THRB: variants seen among roughly 807,000 people sequenced by gnomAD.
THRB encodes the protein thyroid hormone receptor beta.
A neutral mutation model predicts 47.8 loss-of-function variants in THRB; 12 were observed. The ratio of observed to expected loss-of-function variants is 0.25; its 90% CI spans 0.16 to 0.41. The LOEUF is 0.41. Among genes scored for constraint, THRB ranks in the 10% least tolerant of loss-of-function variants. THRB has a pLI of 1.00. For synonymous variants in THRB, 218 were observed against 212.2 expected, an observed-to-expected ratio of 1.03 and a Z score of -0.24; for missense variants, 348 against 589.2, an observed-to-expected ratio of 0.59 and a Z score of 4.24.
intron 1 of THRB, among the ~76,000 whole-genome samples, chr3:24,339,118 T>C (rs1270668114): frequency 6.6e-6 from 1 of 152,270 alleles, no homozygotes; most frequent in East Asian, 1.9e-4. Context: ...AATATATAAA[T>C]ACAAAACTAT....
At chr3:24,231,471 T>C (rs1299654962) in intron 3 of THRB, among the ~76,000 whole-genome samples, 1 of 152,128 alleles carries the variant, frequency 6.6e-6, no homozygotes, top group East Asian at 1.9e-4. Context: ...TTAGTACTAT[T>C]TTCCTTCAAC....
rs113930382 is a variant in THRB, at chr3:24,133,312, T to C, written c.885+4A>G. On this transcript the variant is annotated splice_donor_region_variant and intron_variant, in intron 9 of 10. Coordinates refer to ENST00000646209, the MANE Select transcript of THRB (RefSeq NM_001354712.2). The stretch of plus-strand genomic sequence containing the variant: ...TAATGCAGAAGGAAAAACAACATCC[T>C]CACCTCACAAAACATAGGCAACTTT... 16 of 1,613,930 alleles carry C rather than the reference T, an allele frequency of 9.9e-6. No individual in the cohort carries two copies. The African/African-American group carries it at 1.6e-4, about 16-fold the overall frequency.
intron 4 of THRB, among the ~76,000 whole-genome samples, chr3:24,209,214 G>C (rs546128581): frequency 1.3e-4 from 20 of 152,342 alleles, no homozygotes; most frequent in African/African-American, 4.8e-4. Context: ...TGGAGAAATA[G>C]GAACACTTTT....
chr3:24,251,401 C>G (rs1215144577), intron 3 of THRB, among the ~76,000 whole-genome samples: 1 of 151,968 alleles, frequency 6.6e-6, no homozygotes, highest in Non-Finnish European at 1.5e-5. Context: ...AAAGCTGATT[C>G]TTTGGAAAAA....
At chr3:24,268,440 CAGT>C (rs2052893538) in intron 3 of THRB, among the ~76,000 whole-genome samples, 1 of 152,100 alleles carries the variant, frequency 6.6e-6, no homozygotes, top group Non-Finnish European at 1.5e-5. Context: ...CAAGTTGAAA[CAGT>C]AGATTAAAAA....
intron 1 of THRB, among the ~76,000 whole-genome samples, chr3:24,377,985 T>G (rs1248987552): frequency 6.6e-6 from 1 of 152,164 alleles, no homozygotes; most frequent in Non-Finnish European, 1.5e-5. Flanking sequence ...AAGAAAAAGC[T>G]CATATAGCCT....
chr3:24,283,722 C>A (rs1343874751), intron 3 of THRB, among the ~76,000 whole-genome samples: 42 of 150,864 alleles, frequency 2.8e-4, no homozygotes, highest in African/African-American at 1.0e-3. Context: ...AGCTGATAAG[C>A]AACTTCAGCA....
intron 10 of THRB, among the ~76,000 whole-genome samples, chr3:24,125,688 C>T (rs1490269570): frequency 1.3e-5 from 2 of 152,164 alleles, no homozygotes. Context: ...CCCTAGAGGT[C>T]ATCTATAGCT....
chr3:24,168,108 T>C (rs534809362), intron 5 of THRB, among the ~76,000 whole-genome samples: 1 of 152,292 alleles, frequency 6.6e-6, no homozygotes, highest in East Asian at 1.9e-4. Context: ...GAACAAAACA[T>C]TCTGAAACAC....
At position 24,301,120 on chromosome 3, in the gene THRB, C is replaced by G. The variant is rs148199845; in HGVS notation, c.-188-3749G>C. Reference sequence around the variant, plus strand: ...ATAAATCAAGGAACACCAGGAGCCACCAGACTCTGGAAGAGATAGGGAGGG... The same window carrying G: ...ATAAATCAAGGAACACCAGGAGCCAGCAGACTCTGGAAGAGATAGGGAGGG... On this transcript the variant is annotated intron_variant, in intron 2 of 10. Coordinates refer to ENST00000646209, the MANE Select transcript of THRB (RefSeq NM_001354712.2). 2.2e-4 allele frequency among the ~76,000 whole-genome samples: 33 copies of G among 152,256 alleles called. No homozygotes were observed. In the East Asian group the frequency reaches 6.2e-3, roughly 28 times the overall value.
chr3:24,130,226 C>A (rs551197411), intron 9 of THRB, among the ~76,000 whole-genome samples: 6 of 152,244 alleles, frequency 3.9e-5, no homozygotes, highest in African/African-American at 1.4e-4. Flanking sequence ...GAGATGGAAT[C>A]AAAAATGAAA....
intron 3 of THRB, among the ~76,000 whole-genome samples, chr3:24,282,974 A>T (rs945976898): frequency 5.9e-5 from 9 of 151,982 alleles, no homozygotes; most frequent in Admixed American, 3.3e-4. Flanking sequence ...CCAGGACCAG[A>T]TGGATTCACA....
In THRB at chr3:24,188,858, AATATATATATAT is replaced by A. The variant is rs34740399; in HGVS notation, c.283+1204_283+1215del. Reference sequence around the variant, plus strand: ...CCTTTCAATTTCTCAGATCTCCTCAAATATATATATATATATATATATATATGAGAGAAAGAG... The same window carrying A: ...CCTTTCAATTTCTCAGATCTCCTCAAATATATATATATATGAGAGAAAGAG... On this transcript the variant is annotated intron_variant, in intron 5 of 10. Transcript: ENST00000646209. 8.5e-5 allele frequency among the ~76,000 whole-genome samples: 8 copies of A among 94,340 alleles called. 1 individual carries two copies. The highest frequency in any genetic ancestry group is 4.3e-4 in the African/African-American group (7 of 16,234). 61.9% of individuals were successfully genotyped at this position (94,340 alleles called of 152,430 possible). A position where few individuals can be genotyped will look rare whatever the true frequency, so the allele number is the denominator to read the frequency against.
chr3:24,129,361 C>T (rs1022906919), intron 9 of THRB, among the ~76,000 whole-genome samples: 1 of 152,168 alleles, frequency 6.6e-6, no homozygotes, highest in Non-Finnish European at 1.5e-5. Context: ...TAGCATAGAA[C>T]AGCAACAAGA....
intron 5 of THRB, among the ~76,000 whole-genome samples, chr3:24,171,383 C>T (rs2040414245): frequency 2.0e-5 from 3 of 152,160 alleles, no homozygotes; most frequent in Admixed American, 2.0e-4. Flanking sequence ...AACTTTAAAG[C>T]AGCCCTCCCT....
chr3:24,371,389 C>T (rs1679242660), intron 1 of THRB, among the ~76,000 whole-genome samples: 1 of 152,104 alleles, frequency 6.6e-6, no homozygotes, highest in African/African-American at 2.4e-5. Flanking sequence ...TGATTCCTAC[C>T]ATGTCTTCAG....
At chr3:24,451,114 T>A (rs552842269) in intron 1 of THRB, among the ~76,000 whole-genome samples, 1 of 152,110 alleles carries the variant, frequency 6.6e-6, no homozygotes, top group Non-Finnish European at 1.5e-5. Context: ...ATGACAAGTC[T>A]AACCTTAATT....
chr3:24,159,442 G>A (rs530038562), intron 5 of THRB, among the ~76,000 whole-genome samples: 1 of 152,160 alleles, frequency 6.6e-6, no homozygotes, highest in Non-Finnish European at 1.5e-5. Flanking sequence ...ATGGAAATGA[G>A]CTATGACACA....
intron 4 of THRB, among the ~76,000 whole-genome samples, chr3:24,207,049 C>T (rs991085615): frequency 2.0e-5 from 3 of 152,092 alleles, no homozygotes; most frequent in South Asian, 2.1e-4. Context: ...GATTCACAGC[C>T]GAATTCTACC....
Sources: gnomAD v4.1 joint callset for allele counts (sites outside exome capture counted in the v4.1 genomes callset) on GRCh38, gnomAD v4.1.1 for gene constraint, MANE v1.5 for transcripts, NCBI Gene and HGNC (gene_info 2026-07-23, HGNC 2026-07-21) for gene names.